The following KLHL1 variants were observed in gnomAD, a reference collection of about 807,000 sequenced individuals.
The protein encoded by KLHL1 is kelch like family member 1.
In KLHL1, 47 loss-of-function variants were observed where a neutral mutation model predicts 77.7. That is an observed-to-expected ratio of 0.60 (90% CI 0.48 to 0.77). The LOEUF (loss-of-function observed/expected upper bound fraction) is 0.77, where lower values mean the gene tolerates loss of function less well. Ranked by LOEUF, KLHL1 falls within the 30% of genes least tolerant of loss-of-function variation. The pLI is 0.00. For synonymous variants in KLHL1, 360 were observed against 325.2 expected, an observed-to-expected ratio of 1.11 and a Z score of -1.15; for missense variants, 925 against 910.8, an observed-to-expected ratio of 1.02 and a Z score of -0.20.
intron 8 of KLHL1, among the ~76,000 whole-genome samples, chr13:69,727,150 C>A (rs900754956): frequency 3.5e-4 from 53 of 151,980 alleles, no homozygotes; most frequent in African/African-American, 1.3e-3. Flanking sequence ...TTAAACTATG[C>A]TTTGGATGGT....
intron 5 of KLHL1, among the ~76,000 whole-genome samples, chr13:69,877,966 AAC>A (rs1880830110): frequency 6.6e-6 from 1 of 152,178 alleles, no homozygotes; most frequent in South Asian, 2.1e-4. Flanking sequence ...CTACTAATAA[AAC>A]ACATGGGAGG....
At chr13:69,702,640 T>G (rs1050944260) in intron 10 of KLHL1, among the ~76,000 whole-genome samples, 1 of 151,706 alleles carries the variant, frequency 6.6e-6, no homozygotes, top group African/African-American at 2.4e-5. Flanking sequence ...GCTCTAAACA[T>G]GAAAATTACC....
At chr13:70,016,056 T>C (rs1899327) in intron 1 of KLHL1, among the ~76,000 whole-genome samples, 35,435 of 152,152 alleles carry the variant, frequency 0.23, 4,599 homozygotes, top group East Asian at 0.55. Flanking sequence ...AATATCAATT[T>C]CAGAACTCAA....
intron 5 of KLHL1, among the ~76,000 whole-genome samples, chr13:69,860,418 T>C (rs1255223864): frequency 6.6e-6 from 1 of 151,958 alleles, no homozygotes; most frequent in Non-Finnish European, 1.5e-5. Context: ...GCCTCTTTTT[T>C]AAAAAACGAG....
chr13:69,950,729 C>A (rs565338808), intron 3 of KLHL1, among the ~76,000 whole-genome samples: 3 of 151,504 alleles, frequency 2.0e-5, no homozygotes, highest in Non-Finnish European at 1.5e-5. Flanking sequence ...CTCTTGAATT[C>A]GGCAGAGATA....
At chr13:70,005,859 G>T (rs1022639233) in intron 1 of KLHL1, among the ~76,000 whole-genome samples, 1 of 151,436 alleles carries the variant, frequency 6.6e-6, no homozygotes, top group Non-Finnish European at 1.5e-5. Flanking sequence ...AATCACTGTT[G>T]TAAGAACTCT....
intron 7 of KLHL1, among the ~76,000 whole-genome samples, chr13:69,749,814 T>C (rs912706353): frequency 1.1e-4 from 17 of 152,096 alleles, no homozygotes; most frequent in South Asian, 4.1e-4. Context: ...CAAATTAATT[T>C]GTTCTGAAAA....
chr13:69,740,468 C>A lies in KLHL1; in HGVS notation c.1728G>T (p.Gln576His). ...YLNTVERWDP[Q>H]SQQWTFVASM... is the part of the protein sequence containing the mutation. The stretch of plus-strand genomic sequence containing the variant: ...TGGCTACAAATGTCCATTGTTGACT[C>A]TGTGGATCCCACCTTTCCACTGTAT... The change falls in exon 8 of 11, where the codon CAG becomes CAT. Residue 576 changes from glutamine to histidine, a missense_variant. Transcript: ENST00000377844. The A allele has an allele frequency of 6.2e-7, 1 of 1,613,278 alleles. No homozygotes were observed. The highest frequency in any genetic ancestry group is 8.5e-7 in the Non-Finnish European group (1 of 1,179,400).
chr13:69,880,055 G>C (rs901099787), intron 5 of KLHL1, among the ~76,000 whole-genome samples: 4 of 152,096 alleles, frequency 2.6e-5, no homozygotes, highest in African/African-American at 9.7e-5. Context: ...CCAGGTTAGA[G>C]AGCAAACAGG....
chr13:69,727,478 G>A (rs1873352183), intron 8 of KLHL1, among the ~76,000 whole-genome samples: 1 of 152,148 alleles, frequency 6.6e-6, no homozygotes, highest in African/African-American at 2.4e-5. Context: ...GCAAAGGGGT[G>A]TGGACAATCT....
chr13:69,862,475 A>T (rs768603652), intron 5 of KLHL1, among the ~76,000 whole-genome samples: 20 of 152,244 alleles, frequency 1.3e-4, no homozygotes, highest in Middle Eastern at 3.4e-3. Flanking sequence ...CATGTCTTAA[A>T]CTTTGGTTTG....
intron 7 of KLHL1, among the ~76,000 whole-genome samples, chr13:69,780,702 G>GTATATATATATATATATATACATA (rs1491418114): frequency 2.1e-5 from 1 of 47,202 alleles, no homozygotes; most frequent in South Asian, 7.7e-4. Context: ...ATATATATAT[G>GTATATATATATATATATATACATA]TATATATATA....
intron 5 of KLHL1, among the ~76,000 whole-genome samples, chr13:69,840,698 A>ATATATATATATGTATG (rs976775077): frequency 2.1e-5 from 3 of 146,276 alleles, no homozygotes; most frequent in Non-Finnish European, 4.5e-5. Context: ...ATATATATAT[A>ATATATATATATGTATG]TATGTATGTA....
intron 1 of KLHL1, among the ~76,000 whole-genome samples, chr13:70,025,040 T>A (rs1188181645): frequency 6.6e-6 from 1 of 152,042 alleles, no homozygotes; most frequent in Non-Finnish European, 1.5e-5. Context: ...TTCGAATGCA[T>A]AAGTTTAGGT....
chr13:69,769,035 A>T (rs1875441810), intron 7 of KLHL1, among the ~76,000 whole-genome samples: 1 of 152,214 alleles, frequency 6.6e-6, no homozygotes, highest in South Asian at 2.1e-4. Context: ...CTAGAAGCTA[A>T]TAGGATAAAT....
chr13:69,923,502 C>T (rs1466173050), intron 4 of KLHL1, among the ~76,000 whole-genome samples: 1 of 152,110 alleles, frequency 6.6e-6, no homozygotes, highest in Non-Finnish European at 1.5e-5. Flanking sequence ...AAATTACATT[C>T]TTAAGATGCT....
chr13:70,027,780 G>GATTTAT (rs1885992989), intron 1 of KLHL1, among the ~76,000 whole-genome samples: 1 of 151,676 alleles, frequency 6.6e-6, no homozygotes, highest in African/African-American at 2.4e-5. Context: ...GAGATTTGGG[G>GATTTAT]ATTTATTAAG....
intron 2 of KLHL1, among the ~76,000 whole-genome samples, chr13:69,963,237 A>C (rs753713910): frequency 2.0e-5 from 3 of 152,086 alleles, no homozygotes; most frequent in Non-Finnish European, 4.4e-5. Context: ...TGGGTTCTAA[A>C]ATGTCTAATT....
intron 1 of KLHL1, among the ~76,000 whole-genome samples, chr13:70,000,189 T>C (rs574714286): frequency 4.6e-5 from 7 of 151,710 alleles, no homozygotes; most frequent in Admixed American, 4.6e-4. Flanking sequence ...AAAACATTCA[T>C]GAGGCAAATT....
Sources: gnomAD v4.1 joint callset for allele counts (sites outside exome capture counted in the v4.1 genomes callset) on GRCh38, gnomAD v4.1.1 for gene constraint, MANE v1.5 for transcripts, NCBI Gene and HGNC (gene_info 2026-07-23, HGNC 2026-07-21) for gene names.